Variants in RPH3A observed in about 807,000 individuals in gnomAD.
RPH3A encodes rabphilin 3A, also known as rabphilin-3A.
A neutral mutation model predicts 102.2 loss-of-function variants in RPH3A; 48 were observed. The observed-to-expected ratio is 0.47, with a 90% CI of 0.37 to 0.60. The LOEUF (loss-of-function observed/expected upper bound fraction) is 0.60. RPH3A is among the 20% of genes least tolerant of loss of function. RPH3A has a pLI of 0.00. For synonymous variants in RPH3A, 310 were observed against 324.3 expected, an observed-to-expected ratio of 0.96 and a Z score of 0.47; for missense variants, 781 against 910.1, an observed-to-expected ratio of 0.86 and a Z score of 1.83.
chr12:112,673,889 A>G (rs2040153061), intron 1 of RPH3A, among the ~76,000 whole-genome samples: 1 of 151,778 alleles, frequency 6.6e-6, no homozygotes, highest in Non-Finnish European at 1.5e-5. Flanking sequence ...TATCTCCATG[A>G]GTTTAATTGT....
chr12:112,884,547 T>C (rs1447387776), intron 16 of RPH3A, among the ~76,000 whole-genome samples: 1 of 152,222 alleles, frequency 6.6e-6, no homozygotes, highest in Non-Finnish European at 1.5e-5. Flanking sequence ...GTTTTCAGCT[T>C]TTTTCTATTA....
At chr12:112,783,213 TCTC>T (rs2041020817) in intron 1 of RPH3A, among the ~76,000 whole-genome samples, 1 of 152,052 alleles carries the variant, frequency 6.6e-6, no homozygotes, top group Non-Finnish European at 1.5e-5. Context: ...GGCTGAGAAA[TCTC>T]CTTGGAGGAG....
intron 10 of RPH3A, among the ~76,000 whole-genome samples, chr12:112,870,346 C>T (rs1425343246): frequency 6.7e-6 from 1 of 150,078 alleles, no homozygotes; most frequent in African/African-American, 2.5e-5. Flanking sequence ...GGGAAAAATG[C>T]CCCTAGGCTT....
intron 1 of RPH3A, among the ~76,000 whole-genome samples, chr12:112,734,439 T>C (rs1324076172): frequency 1.3e-5 from 2 of 152,210 alleles, no homozygotes; most frequent in African/African-American, 4.8e-5. Context: ...CGTGTGACTG[T>C]ACATGGCGAA....
intron 1 of RPH3A, among the ~76,000 whole-genome samples, chr12:112,619,954 T>C (rs1407788180): frequency 6.6e-6 from 1 of 152,206 alleles, no homozygotes; most frequent in East Asian, 1.9e-4. Flanking sequence ...ACAAGCTAAA[T>C]AGTTCACATA....
chr12:112,833,735 T>G (rs191969178), intron 3 of RPH3A, among the ~76,000 whole-genome samples: 10 of 152,188 alleles, frequency 6.6e-5, no homozygotes, highest in Admixed American at 1.3e-4. Flanking sequence ...TTCATGTTTT[T>G]TTTTTTTTTT....
intron 5 of RPH3A, among the ~76,000 whole-genome samples, chr12:112,856,483 C>CGTGTGT (rs1565922472): frequency 4.6e-5 from 4 of 86,672 alleles, no homozygotes; most frequent in African/African-American, 2.5e-4. Flanking sequence ...CACACATGTG[C>CGTGTGT]ATGTGTGTGT....
chr12:112,664,283 T>C (rs941400560), intron 1 of RPH3A, among the ~76,000 whole-genome samples: 1 of 151,980 alleles, frequency 6.6e-6, no homozygotes, highest in African/African-American at 2.4e-5. Flanking sequence ...TTATGAGCCA[T>C]GATGAGGAGT....
At chr12:112,851,127 C>T (rs1228319774) in intron 5 of RPH3A, among the ~76,000 whole-genome samples, 1 of 152,174 alleles carries the variant, frequency 6.6e-6, no homozygotes, top group Non-Finnish European at 1.5e-5. Context: ...ATGATGGATG[C>T]AATTTATTAA....
chr12:112,583,879 G>C (rs2039418391), intron 1 of RPH3A, among the ~76,000 whole-genome samples: 1 of 152,156 alleles, frequency 6.6e-6, no homozygotes. Flanking sequence ...CCAACTACTC[G>C]TGAGGCCAAG....
chr12:112,678,275 A>G (rs186161906), intron 1 of RPH3A, among the ~76,000 whole-genome samples: 27 of 74,054 alleles, frequency 3.6e-4, no homozygotes, highest in African/African-American at 2.2e-3. Flanking sequence ...GAAAGAAAGA[A>G]AGAAAGAAAG....
chr12:112,632,064 G>C (rs2039810826), intron 1 of RPH3A, among the ~76,000 whole-genome samples: 2 of 152,128 alleles, frequency 1.3e-5, no homozygotes, highest in Non-Finnish European at 2.9e-5. Context: ...TTCCTGCACT[G>C]TTCTTATGAT....
At chr12:112,881,665 C>T (rs1423673081) in intron 14 of RPH3A, 107 bp from the exon 15 acceptor site, 2 of 683,660 alleles carry the variant, frequency 2.9e-6, no homozygotes, top group Non-Finnish European at 5.0e-6. Flanking sequence ...AAGCACACAG[C>T]GTGGACCAAC....
chr12:112,652,151 T>A (rs2039978950), intron 1 of RPH3A, among the ~76,000 whole-genome samples: 1 of 152,094 alleles, frequency 6.6e-6, no homozygotes, highest in South Asian at 2.1e-4. Flanking sequence ...GAATTGTTTT[T>A]GAGAAACTGC....
intron 1 of RPH3A, among the ~76,000 whole-genome samples, chr12:112,765,245 ATTGT>A (rs748986544): frequency 9.6e-6 from 1 of 104,416 alleles, no homozygotes; most frequent in African/African-American, 4.0e-5. Flanking sequence ...AGTCATGGTG[ATTGT>A]GTGTGTGTGT....
chr12:112,800,456 C>A lies in RPH3A; in HGVS notation c.-19+8193C>A, dbSNP rs528942566. 9.2e-5 allele frequency among the ~76,000 whole-genome samples: 14 copies of A among 152,284 alleles called. No individual in the cohort carries two copies. In the South Asian group the frequency reaches 2.9e-3, roughly 32 times the overall value. On this transcript the variant is annotated intron_variant, in intron 2 of 21. Coordinates refer to ENST00000389385, the MANE Select transcript of RPH3A (RefSeq NM_001143854.2). ...ACCTCCAGATCTGGTTAGACAGGAC[C>A]TCCCAGGGTAGCCAAGGAGTCTGGG...
chr12:112,615,235 G>A (rs1374409286), intron 1 of RPH3A, among the ~76,000 whole-genome samples: 1 of 151,856 alleles, frequency 6.6e-6, no homozygotes, highest in Non-Finnish European at 1.5e-5. Context: ...TAGAAGCTTT[G>A]TTGTTTTGAG....
At chr12:112,710,391 C>A (rs531395246) in intron 1 of RPH3A, among the ~76,000 whole-genome samples, 2 of 152,166 alleles carry the variant, frequency 1.3e-5, no homozygotes, top group Non-Finnish European at 2.9e-5. Context: ...TGGCTGAGAT[C>A]AAGCCAAGGA....
intron 1 of RPH3A, among the ~76,000 whole-genome samples, chr12:112,633,068 T>C (rs541056500): frequency 6.6e-6 from 1 of 151,332 alleles, no homozygotes; most frequent in East Asian, 2.1e-4. Context: ...GGCACATGTC[T>C]GTAGTCCCAG....
Sources: allele counts gnomAD v4.1 joint callset (sites outside exome capture counted in the v4.1 genomes callset), GRCh38; gene constraint gnomAD v4.1.1; transcripts MANE v1.5; gene names NCBI Gene and HGNC (gene_info 2026-07-23, HGNC 2026-07-21).